Variants in PRKAR1A observed in about 807,000 individuals in gnomAD.
PRKAR1A encodes cAMP-dependent protein kinase type I-alpha regulatory subunit.
In PRKAR1A, 3 loss-of-function variants were observed where a neutral mutation model predicts 52.0. The ratio of observed to expected loss-of-function variants is 0.06; its 90% CI spans 0.03 to 0.15. PRKAR1A has a LOEUF of 0.15. PRKAR1A is among the 10% of genes least tolerant of loss of function. The pLI, the probability that PRKAR1A is intolerant of heterozygous loss-of-function variation, is 1.00. For missense variants in PRKAR1A, 240 were observed against 477.4 expected (o/e 0.50, Z 4.63); for synonymous variants, 188 against 168.4 (o/e 1.12, Z -0.90).
chr17:68,457,217 G>C, the PRKAR1A span: 3 of 1,165,628 alleles, frequency 2.6e-6, no homozygotes, highest in Non-Finnish European at 2.4e-6. Flanking sequence ...TGCGTCCGAA[G>C]CAGACACCGG....
chr17:68,467,874 T>C, the PRKAR1A span, among the ~76,000 whole-genome samples: 1 of 152,078 alleles, frequency 6.6e-6, no homozygotes, highest in Admixed American at 6.6e-5. Context: ...GGGTTGTTGT[T>C]GTTGTTGTTT....
chr17:68,540,561 C>T (rs1453121897), intron 11 of PRKAR1A: 3 of 531,110 alleles, frequency 5.6e-6, no homozygotes, highest in Non-Finnish European at 1.1e-5. Context: ...TTTCCCCTCA[C>T]TTGGTGAAGT....
At chr17:68,421,882 T>C in the PRKAR1A span, 1 of 1,606,170 alleles carries the variant, frequency 6.2e-7, no homozygotes, top group East Asian at 2.2e-5. Context: ...GGCAGGTGCA[T>C]TATCAACAGG....
At chr17:68,482,802 A>G in the PRKAR1A span, among the ~76,000 whole-genome samples, 4 of 152,266 alleles carry the variant, frequency 2.6e-5, no homozygotes, top group Non-Finnish European at 4.4e-5. Context: ...TGCCTTCAGC[A>G]TATAAACTAT....
At chr17:68,413,695 A>C in the PRKAR1A span, 1 of 157,240 alleles carries the variant, frequency 6.4e-6, no homozygotes, top group Non-Finnish European at 1.4e-5. Flanking sequence ...GGGCAATGGC[A>C]GGCGCCCCTC....
At chr17:68,431,381 C>T in the PRKAR1A span, among the ~76,000 whole-genome samples, 13 of 151,920 alleles carry the variant, frequency 8.6e-5, no homozygotes, top group Non-Finnish European at 1.9e-4. Context: ...TGGAGCCCGG[C>T]ACGTGGCGCA....
chr17:68,472,952 A>C, the PRKAR1A span, among the ~76,000 whole-genome samples: 1 of 152,106 alleles, frequency 6.6e-6, no homozygotes, highest in Non-Finnish European at 1.5e-5. Flanking sequence ...CTCAAAAAAA[A>C]AAGTAATAAA....
chr17:68,455,287 C>T, the PRKAR1A span, among the ~76,000 whole-genome samples: 3 of 149,836 alleles, frequency 2.0e-5, no homozygotes, highest in African/African-American at 7.4e-5. Context: ...CGCTTGAACC[C>T]TGGGAGGCAG....
At chr17:68,434,636 A>C in the PRKAR1A span, 3 of 1,613,886 alleles carry the variant, frequency 1.9e-6, no homozygotes, top group Non-Finnish European at 2.5e-6. Context: ...CCTGGAAAAG[A>C]AAGCAGGTGG....
intron 11 of PRKAR1A, chr17:68,540,542 C>G: frequency 3.9e-6 from 2 of 507,426 alleles, no homozygotes; most frequent in Non-Finnish European, 7.7e-6. Context: ...TTCTTCCCTT[C>G]CTACCTGGTT....
At chr17:68,527,625 A>G in intron 7 of PRKAR1A, 1 of 517,730 alleles carries the variant, frequency 1.9e-6, no homozygotes, top group Middle Eastern at 5.4e-4. Context: ...TGGGCATAAT[A>G]TTGGCGGAAA....
At chr17:68,421,706 G>A in the PRKAR1A span, 3,900 of 1,607,860 alleles carry the variant, frequency 2.4e-3, 43 homozygotes, top group African/African-American at 0.03. Context: ...CCATTCTTCC[G>A]CCTTCCTTGT....
the PRKAR1A span, chr17:68,430,162 T>C: frequency 6.2e-7 from 1 of 1,611,168 alleles, no homozygotes; most frequent in Non-Finnish European, 8.5e-7. Context: ...TCTGGTCGAC[T>C]AGGGAGTAAT....
the PRKAR1A span, among the ~76,000 whole-genome samples, chr17:68,482,824 A>G: frequency 3.3e-5 from 5 of 152,238 alleles, no homozygotes; most frequent in African/African-American, 1.2e-4. Context: ...TGCTCTCAGC[A>G]AATATATCAA....
At chr17:68,514,720 C>T (rs1216551507) in intron 1 of PRKAR1A, 1 of 152,186 alleles carries the variant, frequency 6.6e-6, no homozygotes, top group Non-Finnish European at 1.5e-5. Context: ...TTCTCCCCTC[C>T]CCCAACTAAG....
chr17:68,438,348 C>T, the PRKAR1A span, among the ~76,000 whole-genome samples: 2 of 152,218 alleles, frequency 1.3e-5, no homozygotes, highest in East Asian at 3.8e-4. Context: ...CAATTCCTCA[C>T]CCCTTCTGAA....
In PRKAR1A at chr17:68,528,898, G is replaced by A. The variant is rs201774040; in HGVS notation, c.798G>A (p.Thr266=). Residue 266 remains threonine (T), a synonymous_variant, in exon 9 of 11, where the codon ACG becomes ACA. Transcript: ENST00000589228. ...LESLDKWERL[T]VADALEPVQF... ...CTCTGGACAAGTGGGAACGTCTTAC[G>A]GTAGCTGATGCATTGGAACCAGTGC... The A allele has an allele frequency of 2.0e-5, 32 of 1,613,894 alleles. No individual in the cohort carries two copies. Among genetic ancestry groups the A allele is most frequent in the African/African-American group, 1.7e-4 (13 of 75,024 alleles).
downstream of PRKAR1A, among the ~76,000 whole-genome samples, chr17:68,538,002 A>G (rs1042324404): frequency 6.6e-6 from 1 of 152,200 alleles, no homozygotes; most frequent in South Asian, 2.1e-4. Flanking sequence ...ATGCTGGGCT[A>G]TATGCATTTT....
At chr17:68,524,820 C>T in intron 5 of PRKAR1A, 92 bp from the exon 6 acceptor site, 3 of 956,652 alleles carry the variant, frequency 3.1e-6, no homozygotes, top group Non-Finnish European at 5.1e-6. Flanking sequence ...TCTCACAGTA[C>T]CACTGTAAAA....
Sources: gnomAD v4.1 joint callset for allele counts (sites outside exome capture counted in the v4.1 genomes callset) on GRCh38, gnomAD v4.1.1 for gene constraint, MANE v1.5 for transcripts, NCBI Gene and HGNC (gene_info 2026-07-23, HGNC 2026-07-21) for gene names.